PRKN: variants seen among roughly 807,000 people sequenced by gnomAD.
The protein encoded by PRKN is parkin RBR E3 ubiquitin protein ligase.
A neutral mutation model predicts 59.5 loss-of-function variants in PRKN; 56 were observed. That is an observed-to-expected ratio of 0.94 (90% CI 0.76 to 1.18). PRKN has a LOEUF of 1.18. Ranked by LOEUF, PRKN falls within the 50% of genes most tolerant of loss-of-function variation. The pLI, the probability that PRKN is intolerant of heterozygous loss-of-function variation, is 0.00. For missense variants in PRKN, 657 were observed against 596.4 expected, an observed-to-expected ratio of 1.10 and a Z score of -1.06; for synonymous variants, 250 against 222.1, an observed-to-expected ratio of 1.13 and a Z score of -1.12.
At chr6:161,632,628 C>T (rs1783358819) in intron 7 of PRKN, among the ~76,000 whole-genome samples, 1 of 152,212 alleles carries the variant, frequency 6.6e-6, no homozygotes, top group African/African-American at 2.4e-5. Flanking sequence ...TCCATTCTCA[C>T]ACTGCTAATA....
chr6:162,018,520 T>C (rs535488195), intron 5 of PRKN, among the ~76,000 whole-genome samples: 1 of 152,332 alleles, frequency 6.6e-6, no homozygotes, highest in East Asian at 1.9e-4. Flanking sequence ...GTTTTTATTA[T>C]TTTCAGTCTT....
intron 6 of PRKN, among the ~76,000 whole-genome samples, chr6:161,876,389 G>A (rs1306234193): frequency 6.6e-6 from 1 of 152,136 alleles, no homozygotes; most frequent in Non-Finnish European, 1.5e-5. Context: ...ACAGCTCACT[G>A]AAGCCTCGAC....
At chr6:162,189,959 A>AT (rs140459538) in intron 4 of PRKN, among the ~76,000 whole-genome samples, 1 of 152,302 alleles carries the variant, frequency 6.6e-6, no homozygotes, top group East Asian at 1.9e-4. Context: ...TTCTAAATTA[A>AT]TATGAAATTC....
intron 7 of PRKN, among the ~76,000 whole-genome samples, chr6:161,591,921 G>A (rs1781739708): frequency 6.6e-6 from 1 of 151,946 alleles, no homozygotes. Flanking sequence ...TTACCTGTAC[G>A]GTTGTCCCTT....
intron 2 of PRKN, among the ~76,000 whole-genome samples, chr6:162,274,164 A>T (rs916457919): frequency 1.8e-4 from 28 of 151,370 alleles, no homozygotes; most frequent in East Asian, 5.8e-4. Flanking sequence ...TTAATTAATT[A>T]ATTTATTAAT....
chr6:161,808,836 C>T (rs1791443328), intron 6 of PRKN, among the ~76,000 whole-genome samples: 1 of 151,934 alleles, frequency 6.6e-6, no homozygotes, highest in Admixed American at 6.6e-5. Context: ...GTATTTTGTT[C>T]TGTTTTGTTT....
At chr6:162,668,914 C>CTGG (rs1779212197) in intron 1 of PRKN, among the ~76,000 whole-genome samples, 1 of 152,050 alleles carries the variant, frequency 6.6e-6, no homozygotes, top group African/African-American at 2.4e-5. Context: ...GGTGGTGGCC[C>CTGG]TGGTGGTGGT....
rs991189896 is a variant in PRKN, at chr6:162,068,003, G to A, written c.535-13829C>T. Among the ~76,000 whole-genome samples, 17 of 152,270 alleles carry A rather than the reference G, an allele frequency of 1.1e-4. No individual in the cohort carries two copies. The East Asian group carries it at 2.5e-3, about 22-fold the overall frequency. ...ACTGTATCTCTTTCCTTCAGAGGCC[G>A]ATGTCGGACAGATGTCACCGTCATG... On this transcript the variant is annotated intron_variant, in intron 4 of 11. Transcript: ENST00000366898.
chr6:162,620,451 C>G (rs1235787254), intron 1 of PRKN, among the ~76,000 whole-genome samples: 1 of 152,118 alleles, frequency 6.6e-6, no homozygotes, highest in Admixed American at 6.6e-5. Flanking sequence ...ACATTTCTAG[C>G]ATTATGACTA....
chr6:162,613,832 C>A lies in PRKN; in HGVS notation c.7+113830G>T, dbSNP rs1304697501. On this transcript the variant is annotated intron_variant, in intron 1 of 11. Transcript: ENST00000366898. ...AATAGGAGTAACAAAAATAAAAACA[C>A]CATATAACTAATACAGTCATTATCT... Among the ~76,000 whole-genome samples, 3 of 151,940 alleles carry A rather than the reference C, an allele frequency of 2.0e-5. No homozygotes were observed. In the South Asian group the frequency reaches 6.2e-4, roughly 32 times the overall value.
rs1784901879 is a variant in PRKN, at chr6:161,359,682, G to C, written c.1285+406C>G. On this transcript the variant is annotated intron_variant, in intron 11 of 11. Coordinates refer to ENST00000366898, the MANE Select transcript of PRKN (RefSeq NM_004562.3). This position sits in a 1 kb window ranked among gnomAD's most constrained non-coding sequence, Gnocchi z 5.4. ...TAATTTTGAATAATGTTGCAAAGCTGGGGAAGGCTACAGACTGACGGCCGG... is the reference window on the plus strand; with the variant it reads ...TAATTTTGAATAATGTTGCAAAGCTCGGGAAGGCTACAGACTGACGGCCGG... Among the ~76,000 whole-genome samples the C allele has an allele frequency of 6.6e-6, 1 of 152,180 alleles. No homozygotes were observed. The highest frequency in any genetic ancestry group is 2.4e-5 in the African/African-American group (1 of 41,432).
rs564379186 is a variant in PRKN at position 162,028,274 on chromosome 6, TC to T, written c.618+25816del. 1.1e-4 allele frequency among the ~76,000 whole-genome samples: 17 copies of T among 152,326 alleles called. 2 individuals are homozygous for T. In the South Asian group the frequency reaches 3.5e-3, roughly 32 times the overall value. ...TTTAAACATTGCCATCAGTTTTCTATCTTCTATAATGTGGAGGCTTAAATTC... is the reference window on the plus strand; with the variant it reads ...TTTAAACATTGCCATCAGTTTTCTATTTCTATAATGTGGAGGCTTAAATTC... On this transcript the variant is annotated intron_variant, in intron 5 of 11. Coordinates refer to ENST00000366898, the MANE Select transcript of PRKN (RefSeq NM_004562.3).
At chr6:161,886,689 C>T (rs964882030) in intron 6 of PRKN, among the ~76,000 whole-genome samples, 6 of 128,062 alleles carry the variant, frequency 4.7e-5, no homozygotes, top group Admixed American at 3.7e-4. Context: ...AAGAGCGAAA[C>T]TTGTTCTCAA....
At chr6:162,589,330 AC>A (rs1781204753) in intron 1 of PRKN, among the ~76,000 whole-genome samples, 1 of 152,148 alleles carries the variant, frequency 6.6e-6, no homozygotes, top group South Asian at 2.1e-4. Flanking sequence ...TCTCAAAAAT[AC>A]AAAAATGTTA....
intron 1 of PRKN, among the ~76,000 whole-genome samples, chr6:162,584,073 C>T (rs1345619793): frequency 6.6e-6 from 1 of 151,906 alleles, no homozygotes; most frequent in Non-Finnish European, 1.5e-5. Context: ...ATTAGCCGGG[C>T]GTGGTGGCAG....
intron 4 of PRKN, among the ~76,000 whole-genome samples, chr6:162,091,844 T>C (rs1045404431): frequency 6.6e-6 from 1 of 151,978 alleles, no homozygotes; most frequent in Non-Finnish European, 1.5e-5. Flanking sequence ...CAAAACTAGC[T>C]TGGGCAACAA....
rs1028635588 is a variant in PRKN, at chr6:161,471,494, G to C, written c.1083+77360C>G. Among the ~76,000 whole-genome samples the C allele has an allele frequency of 1.3e-5, 2 of 152,084 alleles. No individual in the cohort carries two copies. The highest frequency in any genetic ancestry group is 4.8e-5 in the African/African-American group (2 of 41,408). On this transcript the variant is annotated intron_variant, in intron 9 of 11. Coordinates refer to ENST00000366898, the MANE Select transcript of PRKN (RefSeq NM_004562.3). This position sits in a 1 kb window ranked among gnomAD's most constrained non-coding sequence, Gnocchi z 4.5. ...CAACAAATCTTCAAGACATGAAAAA[G>C]AAAGAAATGGAGAAATATGGATTGG...
At chr6:162,650,453 C>T (rs1159665960) in intron 1 of PRKN, among the ~76,000 whole-genome samples, 2 of 151,524 alleles carry the variant, frequency 1.3e-5, no homozygotes, top group Non-Finnish European at 2.9e-5. Flanking sequence ...AAAAAATTAG[C>T]CGGGCGTAGT....
chr6:161,554,700 T>G lies in PRKN; in HGVS notation c.934-5697A>C, dbSNP rs1780165270. Among the ~76,000 whole-genome samples, 1 of 146,346 alleles carries G rather than the reference T, an allele frequency of 6.8e-6. No homozygotes were observed. The highest frequency in any genetic ancestry group is 1.5e-5 in the Non-Finnish European group (1 of 67,328). Reference sequence around the variant, plus strand: ...ATATAAGGAATATACAATCCTGATATACATACAGGGATTGTGTGTGTGTGT... The same window carrying G: ...ATATAAGGAATATACAATCCTGATAGACATACAGGGATTGTGTGTGTGTGT... On this transcript the variant is annotated intron_variant, in intron 8 of 11. Transcript: ENST00000366898. The surrounding 1 kb of genome is among the most constrained non-coding windows in gnomAD (Gnocchi z 4.5).
Sources: allele counts gnomAD v4.1 joint callset (sites outside exome capture counted in the v4.1 genomes callset), GRCh38; gene constraint gnomAD v4.1.1; non-coding constraint Gnocchi (gnomAD v3.1); transcripts MANE v1.5; gene names NCBI Gene and HGNC (gene_info 2026-07-23, HGNC 2026-07-21).